The following CSGALNACT1 variants were observed in gnomAD, a reference collection of about 807,000 sequenced individuals.
CSGALNACT1 encodes the protein beta4GalNAcT-1.
CSGALNACT1 carries 52 observed loss-of-function variants against 51.0 expected under a neutral mutation model. The ratio of observed to expected loss-of-function variants is 1.02; its 90% CI spans 0.82 to 1.29. The LOEUF (loss-of-function observed/expected upper bound fraction) is 1.29, where lower values mean the gene tolerates loss of function less well. Ranked by LOEUF, CSGALNACT1 falls within the 50% of genes most tolerant of loss-of-function variation. The probability of loss-of-function intolerance (pLI) is 0.00; values close to 1 mark genes in which losing one functional copy is unlikely to be tolerated. For missense variants in CSGALNACT1, 935 were observed against 679.2 expected (o/e 1.38, Z -4.19); for synonymous variants, 341 against 254.4 (o/e 1.34, Z -3.24).
intron 4 of CSGALNACT1, among the ~76,000 whole-genome samples, chr8:19,485,255 A>G (rs1374277898): frequency 6.6e-6 from 1 of 152,190 alleles, no homozygotes; most frequent in East Asian, 1.9e-4. Flanking sequence ...TGTTCGGCAC[A>G]GGCTGAAATC....
Position 19,757,266 on chromosome 8 carries a change from G to A in CSGALNACT1, c.-297+584C>T, listed in dbSNP as rs1047133136. ...ACTTTCCCTCCTGCGCGGCCGCCGC[G>A]GACTCGGCTCCACCTCCCGCTCCGG... On this transcript the variant is annotated intron_variant, in intron 1 of 1. Transcript: ENST00000517494. The surrounding 1 kb of genome is among the most constrained non-coding windows in gnomAD (Gnocchi z 4.0). 5.3e-5 allele frequency: 8 copies of A among 150,102 alleles called. No homozygotes were observed. Among genetic ancestry groups the A allele is most frequent in the African/African-American group, 1.9e-4 (8 of 41,186 alleles). The allele number at this position is 150,102 out of a possible 1,614,324, so 9.3% of individuals were successfully genotyped here.
At chr8:19,722,356 C>A (rs952539617) in intron 1 of CSGALNACT1, among the ~76,000 whole-genome samples, 5 of 152,110 alleles carry the variant, frequency 3.3e-5, no homozygotes, top group Non-Finnish European at 5.9e-5. Flanking sequence ...ATGCCTTTAG[C>A]TAATTAAAAT....
At chr8:19,620,108 T>C (rs2154159783) in intron 1 of CSGALNACT1, among the ~76,000 whole-genome samples, 1 of 151,252 alleles carries the variant, frequency 6.6e-6, no homozygotes, top group East Asian at 2.0e-4. Context: ...AGGCCAGGAG[T>C]TCAAGACCAA....
intron 4 of CSGALNACT1, among the ~76,000 whole-genome samples, chr8:19,500,412 G>C (rs4631483): frequency 0.46 from 70,460 of 151,560 alleles, 17,135 homozygotes; most frequent in East Asian, 0.82. Context: ...CAAATGCCCA[G>C]AATGCACCTG....
Position 19,493,672 on chromosome 8 carries a change from T to C in CSGALNACT1, c.634+11529A>G, listed in dbSNP as rs577568981. Among the ~76,000 whole-genome samples the C allele has an allele frequency of 5.9e-5, 9 of 152,316 alleles. No individual in the cohort carries two copies. In the South Asian group the frequency reaches 1.7e-3, roughly 28 times the overall value. On this transcript the variant is annotated intron_variant, in intron 4 of 9. Transcript: ENST00000454498. ...TTATGCTGCAGCATGTTATCAGTAA[T>C]TCATTTCTTTCTATGGCCAAATAAT...
intron 1 of CSGALNACT1, among the ~76,000 whole-genome samples, chr8:19,677,370 C>T (rs1289338830): frequency 6.6e-6 from 1 of 152,182 alleles, no homozygotes; most frequent in East Asian, 1.9e-4. Flanking sequence ...CTCGGCCTCC[C>T]AAAGTGCTGG....
intron 8 of CSGALNACT1, among the ~76,000 whole-genome samples, chr8:19,414,647 G>A (rs1361259716): frequency 1.3e-5 from 2 of 152,050 alleles, no homozygotes; most frequent in Non-Finnish European, 1.5e-5. Flanking sequence ...GCTTTTGTCT[G>A]CAGGCAAAAC....
At chr8:19,707,441 A>T (rs192978140) in intron 1 of CSGALNACT1, among the ~76,000 whole-genome samples, 130 of 152,336 alleles carry the variant, frequency 8.5e-4, no homozygotes, top group Middle Eastern at 3.4e-3. Context: ...TTTTATTTAA[A>T]GTCATTGATC....
At chr8:19,513,434 C>CTATATATATATATA (rs1353825526) in intron 3 of CSGALNACT1, among the ~76,000 whole-genome samples, 142 of 66,472 alleles carry the variant, frequency 2.1e-3, no homozygotes, top group Non-Finnish European at 3.3e-3. Context: ...CTCTCTCTCT[C>CTATATATATATATA]TCTATATATA....
At position 19,405,797 on chromosome 8, in the gene CSGALNACT1, TTGTC is replaced by T. The variant is rs1036382780; in HGVS notation, c.1578_1581del (p.Thr527ValfsTer47). ...CTGGGAGTTCATGTTTTTTTGCTAC[TTGTC>T]TTCTGTTTCTGTTTGCGAAGGTGAG... On this transcript the variant is annotated frameshift_variant, in exon 10 of 10. Transcript: ENST00000454498. LOFTEE classifies it high-confidence loss of function. The T allele has an allele frequency of 1.2e-6, 2 of 1,614,100 alleles. No individual in the cohort carries two copies. The highest frequency in any genetic ancestry group is 1.7e-6 in the Non-Finnish European group (2 of 1,180,056).
intron 3 of CSGALNACT1, among the ~76,000 whole-genome samples, chr8:19,519,576 A>C (rs1416309109): frequency 6.6e-6 from 1 of 152,130 alleles, no homozygotes; most frequent in African/African-American, 2.4e-5. Flanking sequence ...AAACAGAATC[A>C]CTGGTGCCGA....
chr8:19,550,333 C>A (rs2087675930), intron 3 of CSGALNACT1, among the ~76,000 whole-genome samples: 1 of 152,124 alleles, frequency 6.6e-6, no homozygotes, highest in South Asian at 2.1e-4. Flanking sequence ...AAGTGAGCCT[C>A]TTGTATCCTC....
chr8:19,597,987 C>A (rs1425460107), intron 2 of CSGALNACT1, among the ~76,000 whole-genome samples: 1 of 152,212 alleles, frequency 6.6e-6, no homozygotes, highest in Non-Finnish European at 1.5e-5. Context: ...TGGGGCTCAG[C>A]AAAGGCTCCC....
intron 2 of CSGALNACT1, among the ~76,000 whole-genome samples, chr8:19,592,220 A>G (rs1333859152): frequency 6.6e-6 from 1 of 152,212 alleles, no homozygotes; most frequent in Admixed American, 6.5e-5. Flanking sequence ...CATTAAGTCA[A>G]TTTACAAAAC....
rs1429375914 is a variant in CSGALNACT1, at chr8:19,707,931, G to C, written c.-297+49919C>G. Among the ~76,000 whole-genome samples, 7 of 152,204 alleles carry C rather than the reference G, an allele frequency of 4.6e-5. 1 individual carries two copies. The East Asian group carries it at 1.2e-3, about 25-fold the overall frequency. On this transcript the variant is annotated intron_variant, in intron 1 of 1. Coordinates refer to the CSGALNACT1 transcript ENST00000517494. ...CTGGAGAATCGCTTGAACCCAAGGA[G>C]GGGGAGGCAGAGGTTGCAGTGAGCT... is the stretch of plus-strand genomic sequence containing the variant.
intron 3 of CSGALNACT1, among the ~76,000 whole-genome samples, chr8:19,538,373 A>T (rs10089231): frequency 6.6e-6 from 1 of 151,980 alleles, no homozygotes; most frequent in African/African-American, 2.4e-5. Context: ...AAAAAAAGTC[A>T]TATAATTAGA....
Position 19,562,106 on chromosome 8 carries a change from C to A in CSGALNACT1, c.-297+29054G>T, listed in dbSNP as rs562433113. Among the ~76,000 whole-genome samples the A allele has an allele frequency of 2.0e-5, 3 of 152,298 alleles. No homozygotes were observed. The East Asian group carries it at 5.8e-4, about 29-fold the overall frequency. On this transcript the variant is annotated intron_variant, in intron 3 of 9. Transcript: ENST00000454498. ...GGGGAGGAAAGCTGCTGTGGTCCCACTCTGAGCACCACCATCCTGCCACCC... is the reference window on the plus strand; with the variant it reads ...GGGGAGGAAAGCTGCTGTGGTCCCAATCTGAGCACCACCATCCTGCCACCC...
chr8:19,627,106 G>A (rs144815479), intron 1 of CSGALNACT1, among the ~76,000 whole-genome samples: 256 of 152,236 alleles, frequency 1.7e-3, no homozygotes, highest in African/African-American at 5.7e-3. Flanking sequence ...ATCAGTTTTC[G>A]CAGCAGCTTT....
At chr8:19,415,743 TACTTAA>T (rs1344788909) in intron 8 of CSGALNACT1, among the ~76,000 whole-genome samples, 2 of 152,234 alleles carry the variant, frequency 1.3e-5, no homozygotes, top group Admixed American at 6.5e-5. Context: ...AACAACACAT[TACTTAA>T]ACCCAAAGGA....
Sources: gnomAD v4.1 joint callset for allele counts (sites outside exome capture counted in the v4.1 genomes callset) on GRCh38, gnomAD v4.1.1 for gene constraint, Gnocchi (gnomAD v3.1) non-coding constraint, MANE v1.5 for transcripts, NCBI Gene and HGNC (gene_info 2026-07-23, HGNC 2026-07-21) for gene names.